Variants in UTY observed in about 807,000 individuals in gnomAD.
UTY encodes ubiquitously transcribed tetratricopeptide repeat containing, Y-linked, also known as histone demethylase UTY.
In UTY, 12 loss-of-function variants were observed where a neutral mutation model predicts 32.5. The observed-to-expected ratio is 0.37, with a 90% CI of 0.24 to 0.60. The LOEUF (loss-of-function observed/expected upper bound fraction) is 0.60, where lower values mean the gene tolerates loss of function less well. Among genes scored for constraint, UTY ranks in the 20% least tolerant of loss-of-function variants. The probability of loss-of-function intolerance (pLI) is 0.69; values close to 1 mark genes in which losing one functional copy is unlikely to be tolerated. For synonymous variants in UTY, 131 were observed against 103.4 expected, an observed-to-expected ratio of 1.27 and a Z score of -1.62; for missense variants, 303 against 299.2, an observed-to-expected ratio of 1.01 and a Z score of -0.09.
chrY:13,306,731 C>T (rs2058715318), intron 21 of UTY, among the ~76,000 whole-genome samples: 1 of 32,501 alleles, frequency 3.1e-5, no homozygotes, highest in African/African-American at 1.2e-4. Context: ...GCCGGAGCCT[C>T]ACTCTGTTGC....
At chrY:13,263,409 T>C in intron 27 of UTY, among the ~76,000 whole-genome samples, 1 of 33,577 alleles carries the variant, frequency 3.0e-5, no homozygotes, top group African/African-American at 1.2e-4. Flanking sequence ...AATGAGAATC[T>C]GATTCAATTA....
downstream of UTY, among the ~76,000 whole-genome samples, chrY:13,243,453 A>C (rs1603222052): frequency 6.2e-5 from 2 of 32,337 alleles, no homozygotes; most frequent in African/African-American, 1.2e-4. Flanking sequence ...AACAAAAATA[A>C]ACAAATGGTA....
chrY:13,380,556 G>A, intron 8 of UTY, among the ~76,000 whole-genome samples: 1 of 32,803 alleles, frequency 3.0e-5, no homozygotes, highest in Non-Finnish European at 7.5e-5. Context: ...ACGAAAGTGA[G>A]AATATCCACA....
chrY:13,333,471 G>T (rs890269792), intron 18 of UTY, among the ~76,000 whole-genome samples: 2 of 33,444 alleles, frequency 6.0e-5, no homozygotes, highest in Admixed American at 5.4e-4. Flanking sequence ...CAAGCAATGG[G>T]GAAGGTATTC....
intron 3 of UTY, among the ~76,000 whole-genome samples, chrY:13,450,232 A>G: frequency 2.9e-5 from 1 of 33,959 alleles, no homozygotes; most frequent in African/African-American, 1.2e-4. Flanking sequence ...CAAGAAAAGC[A>G]GACTTAAAGT....
At chrY:13,268,570 T>A in intron 27 of UTY, among the ~76,000 whole-genome samples, 1 of 33,757 alleles carries the variant, frequency 3.0e-5, no homozygotes, top group Non-Finnish European at 7.3e-5. Context: ...GTTCCCTTGC[T>A]GGTGAGGAGC....
At chrY:13,325,182 A>G in intron 19 of UTY, among the ~76,000 whole-genome samples, 1 of 33,614 alleles carries the variant, frequency 3.0e-5, no homozygotes, top group African/African-American at 1.1e-4. Flanking sequence ...AATAAAAACC[A>G]CAACAGGCAA....
At chrY:13,346,072 A>G (rs2061864671) in intron 17 of UTY, among the ~76,000 whole-genome samples, 1 of 33,208 alleles carries the variant, frequency 3.0e-5, no homozygotes. Flanking sequence ...TAACAGGAAA[A>G]TCCAAAAAGG....
chrY:13,476,068 G>A, intron 2 of UTY: 2 of 224,155 alleles, frequency 8.9e-6, no homozygotes, highest in African/African-American at 1.7e-4. Flanking sequence ...CCAGAAAAGT[G>A]CCCATTTATT....
intron 29 of UTY, among the ~76,000 whole-genome samples, chrY:13,250,282 G>A (rs890058867): frequency 5.9e-4 from 20 of 33,879 alleles, no homozygotes; most frequent in Non-Finnish European, 1.4e-3. Flanking sequence ...GACTCCCAAA[G>A]TGCTGGGATT....
chrY:13,241,960 G>A, intron 28 of UTY, among the ~76,000 whole-genome samples: 1 of 32,388 alleles, frequency 3.1e-5, no homozygotes, highest in Non-Finnish European at 7.5e-5. Flanking sequence ...CAGCTACTAG[G>A]GAGACAGAGG....
At chrY:13,264,805 T>A in intron 27 of UTY, among the ~76,000 whole-genome samples, 1 of 33,786 alleles carries the variant, frequency 3.0e-5, no homozygotes, top group African/African-American at 1.2e-4. Flanking sequence ...GTTTTAGTCA[T>A]AAAGTCTTTG....
intron 19 of UTY, 87 bp downstream of exon 19, chrY:13,326,134 G>A: frequency 3.0e-6 from 1 of 335,272 alleles, no homozygotes; most frequent in Non-Finnish European, 4.3e-6. Context: ...AGGCAATCTG[G>A]CTTGATTTAA....
At chrY:13,384,044 A>T (rs997790199) in intron 8 of UTY, among the ~76,000 whole-genome samples, 3 of 34,301 alleles carry the variant, frequency 8.7e-5, no homozygotes, top group African/African-American at 3.4e-4. Flanking sequence ...GGCCTACATC[A>T]GCTCACTGGT....
intron 4 of UTY, among the ~76,000 whole-genome samples, chrY:13,448,033 T>G: frequency 2.9e-5 from 1 of 33,924 alleles, no homozygotes; most frequent in African/African-American, 1.1e-4. Flanking sequence ...TTTGACAAGA[T>G]AGTAACTTTG....
intron 4 of UTY, among the ~76,000 whole-genome samples, chrY:13,446,614 A>G: frequency 3.6e-5 from 1 of 28,132 alleles, no homozygotes; most frequent in Non-Finnish European, 8.4e-5. Flanking sequence ...AGATAGATAG[A>G]TAGATAGACA....
intron 7 of UTY, among the ~76,000 whole-genome samples, chrY:13,395,619 A>G: frequency 3.2e-5 from 1 of 31,001 alleles, no homozygotes; most frequent in African/African-American, 1.3e-4. Context: ...AGCCTGGTGA[A>G]CAAAGTGAGA....
chrY:13,329,516 G>T (rs2060527271), intron 18 of UTY, among the ~76,000 whole-genome samples: 1 of 33,526 alleles, frequency 3.0e-5, no homozygotes, highest in Admixed American at 2.7e-4. Flanking sequence ...AACTTATTAA[G>T]ATTTAATTTT....
chrY:13,248,341 C>T (rs2148330231), downstream of UTY: 1 of 33,594 alleles, frequency 3.0e-5, no homozygotes, highest in East Asian at 7.5e-4. Context: ...AAAGCTGTTA[C>T]AAAGAAGAAT....
Sources: allele counts gnomAD v4.1 joint callset (sites outside exome capture counted in the v4.1 genomes callset), GRCh38; gene constraint gnomAD v4.1.1; transcripts MANE v1.5; gene names NCBI Gene and HGNC (gene_info 2026-07-23, HGNC 2026-07-21).